Variants in MGAT4C observed in about 807,000 individuals in gnomAD.
MGAT4C encodes the protein MGAT4 family member C.
Under a neutral mutation model 40.1 loss-of-function variants are expected in MGAT4C, and 19 were observed. The observed-to-expected ratio is 0.47, with a 90% CI of 0.33 to 0.70. The LOEUF is 0.70. MGAT4C is among the 30% of genes least tolerant of loss of function. The pLI is 0.02. For synonymous variants in MGAT4C, 181 were observed against 187.1 expected (o/e 0.97, Z 0.27); for missense variants, 491 against 563.2 (o/e 0.87, Z 1.30).
At chr12:86,791,130 C>G (rs1446851799) in intron 1 of MGAT4C, among the ~76,000 whole-genome samples, 1 of 152,028 alleles carries the variant, frequency 6.6e-6, no homozygotes, top group Non-Finnish European at 1.5e-5. Context: ...TGGTTAAGAC[C>G]AAGAGACCTT....
intron 2 of MGAT4C, among the ~76,000 whole-genome samples, chr12:86,686,374 T>C (rs1399955213): frequency 6.6e-6 from 1 of 152,176 alleles, no homozygotes; most frequent in Non-Finnish European, 1.5e-5. Flanking sequence ...CAATACTATG[T>C]TGAATAGGAG....
chr12:86,261,485 C>T (rs1392067459), intron 4 of MGAT4C, among the ~76,000 whole-genome samples: 1 of 151,934 alleles, frequency 6.6e-6, no homozygotes, highest in African/African-American at 2.4e-5. Flanking sequence ...TATTTCTGTT[C>T]CTCATTTGAA....
chr12:86,280,873 T>C (rs1378375943), intron 4 of MGAT4C, among the ~76,000 whole-genome samples: 1 of 152,070 alleles, frequency 6.6e-6, no homozygotes. Flanking sequence ...ACCTTTGTAG[T>C]CTTTTATGTT....
In MGAT4C at chr12:86,486,273, T is replaced by G. The variant is rs1260258828; in HGVS notation, c.-228-51008A>C. Among the ~76,000 whole-genome samples, 3 of 152,094 alleles carry G rather than the reference T, an allele frequency of 2.0e-5. No homozygotes were observed. In the East Asian group the frequency reaches 5.8e-4, roughly 30 times the overall value. On this transcript the variant is annotated intron_variant, in intron 2 of 7. Transcript: ENST00000548651. ...TTAAAGAGGATAGAGTAGAAAGGTC[T>G]ATGAAAAGACAAGACCCGACTGTCT...
intron 2 of MGAT4C, among the ~76,000 whole-genome samples, chr12:86,558,141 GTTT>G (rs1286902381): frequency 6.6e-6 from 1 of 151,958 alleles, no homozygotes; most frequent in Non-Finnish European, 1.5e-5. Context: ...AACTTGAAAA[GTTT>G]TTTAATAACA....
rs113918046 is a variant in MGAT4C, at chr12:86,780,944, G to A, written c.-261-53703C>T. Among the ~76,000 whole-genome samples, 1,359 of 151,988 alleles carry A rather than the reference G, an allele frequency of 8.9e-3. 11 individuals are homozygous for A. The highest frequency in any genetic ancestry group is 0.031 in the African/African-American group (1,302 of 41,454). ...CTGTTTCTGAATTATTACACTTAAG[G>A]TAATGGCCTCCAATTCCATTCATGT... On this transcript the variant is annotated intron_variant, in intron 1 of 7. Transcript: ENST00000548651.
intron 1 of MGAT4C, among the ~76,000 whole-genome samples, chr12:86,080,581 G>A (rs555576246): frequency 3.3e-5 from 5 of 152,164 alleles, no homozygotes; most frequent in South Asian, 2.1e-4. Flanking sequence ...GCGCACACAC[G>A]CTTGTGCACA....
Position 85,977,032 on chromosome 12 carries a change from T to C in MGAT4C, c.*2257A>G, listed in dbSNP as rs1406111890. The C allele has an allele frequency of 1.3e-5, 2 of 151,274 alleles. No individual in the cohort carries two copies. Among genetic ancestry groups the C allele is most frequent in the Non-Finnish European group, 3.0e-5 (2 of 67,418 alleles). The allele number at this position is 151,274 out of a possible 1,614,324, so 9.4% of individuals were successfully genotyped here. A position where few individuals can be genotyped will look rare whatever the true frequency, so the allele number is the denominator to read the frequency against. ...TTGACCAACTTATCCAAACACAGGTTTAGTAAAGAGAGGATATAAAGATAA... is the reference window on the plus strand; with the variant it reads ...TTGACCAACTTATCCAAACACAGGTCTAGTAAAGAGAGGATATAAAGATAA... On this transcript the variant is annotated 3_prime_UTR_variant, in exon 5 of 5. Transcript: ENST00000611864.
rs145030472 is a variant in MGAT4C at position 86,214,174 on chromosome 12, C to A, written c.-57+42065G>T. On this transcript the variant is annotated intron_variant, in intron 1 of 4. Transcript: ENST00000611864. The stretch of plus-strand genomic sequence containing the variant: ...AATTGAATTTCTCTGTGTTTCTGTA[C>A]TTCTCCAGGCTTGCCCTCATTTCTG... 2.2e-4 allele frequency among the ~76,000 whole-genome samples: 33 copies of A among 152,268 alleles called. 1 individual carries two copies. Among genetic ancestry groups the A allele is most frequent in the African/African-American group, 7.9e-4 (33 of 41,568 alleles).
intron 4 of MGAT4C, among the ~76,000 whole-genome samples, chr12:86,276,042 C>G (rs1186657695): frequency 6.7e-6 from 1 of 149,318 alleles, no homozygotes; most frequent in African/African-American, 2.5e-5. Context: ...GGCGTGATCC[C>G]GGGAGGCGGA....
At chr12:86,533,410 TC>T (rs1182799720) in intron 2 of MGAT4C, among the ~76,000 whole-genome samples, 1 of 151,958 alleles carries the variant, frequency 6.6e-6, no homozygotes, top group African/African-American at 2.4e-5. Context: ...AAAAGTTATT[TC>T]TCATAAGGTC....
At chr12:86,472,518 T>A (rs370315455) in intron 2 of MGAT4C, among the ~76,000 whole-genome samples, 1 of 152,118 alleles carries the variant, frequency 6.6e-6, no homozygotes, top group African/African-American at 2.4e-5. Context: ...AAGGCTTACA[T>A]TAAGAAGAAT....
At chr12:86,578,885 G>C (rs1203359689) in intron 2 of MGAT4C, among the ~76,000 whole-genome samples, 1 of 150,486 alleles carries the variant, frequency 6.6e-6, no homozygotes, top group Non-Finnish European at 1.5e-5. Flanking sequence ...AATGTTTTTG[G>C]TTTTGCTTTG....
At position 86,091,447 on chromosome 12, in the gene MGAT4C, A is replaced by G. The variant is rs78398809; in HGVS notation, c.-56-41724T>C. ...CACTTTGATATCACTAGCCAAATAC[A>G]AAAGAAAGCAGAGCATAAAGTGGCT... is the stretch of plus-strand genomic sequence containing the variant. On this transcript the variant is annotated intron_variant, in intron 1 of 4. Transcript: ENST00000611864. Among the ~76,000 whole-genome samples the G allele has an allele frequency of 4.9e-3, 748 of 152,180 alleles. 1 individual carries two copies. The highest frequency in any genetic ancestry group is 7.6e-3 in the Non-Finnish European group (514 of 67,950).
Position 86,676,396 on chromosome 12 carries a change from A to AT in MGAT4C, c.-229+50812dup, listed in dbSNP as rs1165540608. Among the ~76,000 whole-genome samples the AT allele has an allele frequency of 5.9e-5, 9 of 152,238 alleles. No homozygotes were observed. The South Asian group carries it at 8.3e-4, about 14-fold the overall frequency. ...CTTTATTTCCTGCCAAGGATTTTAC[A>AT]TTTTTTCTCTAAAGGCAATAGGTAG... On this transcript the variant is annotated intron_variant, in intron 2 of 7. Transcript: ENST00000548651.
intron 2 of MGAT4C, chr12:86,002,304 G>C (rs1433905266): frequency 6.6e-6 from 1 of 152,182 alleles, no homozygotes; most frequent in Non-Finnish European, 1.5e-5. Context: ...ATAGGTGCTT[G>C]ATGTTCTTTC....
At chr12:86,585,623 A>G (rs1377070082) in intron 2 of MGAT4C, among the ~76,000 whole-genome samples, 1 of 151,076 alleles carries the variant, frequency 6.6e-6, no homozygotes, top group African/African-American at 2.4e-5. Context: ...GGCTTCTGAA[A>G]CCTTTGCTGT....
chr12:86,056,625 G>C (rs1473441716), intron 1 of MGAT4C, among the ~76,000 whole-genome samples: 1 of 152,090 alleles, frequency 6.6e-6, no homozygotes, highest in Non-Finnish European at 1.5e-5. Context: ...TCTTAATCCA[G>C]TCTATCATTG....
At chr12:86,382,836 G>A (rs912657307) in intron 3 of MGAT4C, among the ~76,000 whole-genome samples, 1 of 152,222 alleles carries the variant, frequency 6.6e-6, no homozygotes, top group Non-Finnish European at 1.5e-5. Flanking sequence ...CAGAAGTCAT[G>A]AATTGGGGTT....
Sources: allele counts gnomAD v4.1 joint callset (sites outside exome capture counted in the v4.1 genomes callset), GRCh38; gene constraint gnomAD v4.1.1; transcripts MANE v1.5; gene names NCBI Gene and HGNC (gene_info 2026-07-23, HGNC 2026-07-21).